NRXN3: variants seen among roughly 807,000 people sequenced by gnomAD.
NRXN3 encodes the protein neurexin III.
In NRXN3, 32 loss-of-function variants were observed where a neutral mutation model predicts 137.6. That is an observed-to-expected ratio of 0.23 (90% CI 0.18 to 0.31). NRXN3 has a LOEUF of 0.31. Ranked by LOEUF, NRXN3 falls within the 10% of genes least tolerant of loss-of-function variation. The pLI is 1.00. For synonymous variants in NRXN3, 798 were observed against 784.5 expected, an observed-to-expected ratio of 1.02 and a Z score of -0.29; for missense variants, 1,574 against 2,062.5, an observed-to-expected ratio of 0.76 and a Z score of 4.59.
intron 8 of NRXN3, among the ~76,000 whole-genome samples, chr14:78,777,093 A>G (rs2098747075): frequency 6.6e-6 from 1 of 152,088 alleles, no homozygotes; most frequent in Non-Finnish European, 1.5e-5. Flanking sequence ...TTCCATCCAA[A>G]AGCCCTCATG....
At chr14:79,621,537 T>A (rs1228674829) in intron 16 of NRXN3, among the ~76,000 whole-genome samples, 1 of 152,200 alleles carries the variant, frequency 6.6e-6, no homozygotes, top group Non-Finnish European at 1.5e-5. Context: ...GTTTATAGAC[T>A]CTTGAATCTG....
chr14:78,777,709 A>G (rs1328725036), intron 8 of NRXN3, among the ~76,000 whole-genome samples: 1 of 152,196 alleles, frequency 6.6e-6, no homozygotes, highest in East Asian at 1.9e-4. Flanking sequence ...TTTAACAAAA[A>G]ATTAGGTGGT....
chr14:78,302,497 C>A (rs2076971727), intron 4 of NRXN3, among the ~76,000 whole-genome samples: 1 of 152,152 alleles, frequency 6.6e-6, no homozygotes, highest in South Asian at 2.1e-4. Flanking sequence ...GTGCCCCTAA[C>A]CCCTACTCTA....
chr14:78,554,163 T>C (rs1452552621), intron 4 of NRXN3, among the ~76,000 whole-genome samples: 1 of 152,194 alleles, frequency 6.6e-6, no homozygotes, highest in Non-Finnish European at 1.5e-5. Flanking sequence ...GTTGGCACTT[T>C]GACACCTCCT....
intron 6 of NRXN3, among the ~76,000 whole-genome samples, chr14:78,698,591 C>T (rs1001255043): frequency 4.6e-5 from 7 of 151,954 alleles, no homozygotes; most frequent in Non-Finnish European, 1.0e-4. Context: ...CCAGTAGCCC[C>T]TTAGCGTGCC....
chr14:78,509,870 GA>G (rs2096068888), intron 4 of NRXN3, among the ~76,000 whole-genome samples: 2 of 152,038 alleles, frequency 1.3e-5, no homozygotes, highest in Non-Finnish European at 2.9e-5. Context: ...AACTCTGAGT[GA>G]CAAATAACTT....
intron 8 of NRXN3, among the ~76,000 whole-genome samples, chr14:78,801,564 A>G (rs1039214580): frequency 6.6e-6 from 1 of 152,186 alleles, no homozygotes; most frequent in Admixed American, 6.5e-5. Context: ...AACCACCCCC[A>G]TGATCCAATT....
At chr14:78,865,148 T>C (rs947848853) in intron 10 of NRXN3, among the ~76,000 whole-genome samples, 2 of 152,120 alleles carry the variant, frequency 1.3e-5, no homozygotes, top group Non-Finnish European at 2.9e-5. Context: ...TGAAATGTTG[T>C]GAGCTATGAA....
intron 8 of NRXN3, among the ~76,000 whole-genome samples, chr14:78,764,151 C>G: frequency 6.6e-6 from 1 of 152,134 alleles, no homozygotes; most frequent in East Asian, 1.9e-4. Flanking sequence ...CATGCCATAT[C>G]CAGTTAAGAA....
intron 6 of NRXN3, among the ~76,000 whole-genome samples, chr14:78,705,021 G>A (rs1054306353): frequency 6.6e-6 from 1 of 152,140 alleles, no homozygotes; most frequent in Non-Finnish European, 1.5e-5. Context: ...CTAAGCATGA[G>A]TCACGTGTCC....
chr14:79,100,150 TTC>T (rs141095730), intron 15 of NRXN3, among the ~76,000 whole-genome samples: 4 of 152,330 alleles, frequency 2.6e-5, no homozygotes, highest in Non-Finnish European at 5.9e-5. Context: ...TCACAGAATG[TTC>T]TCTGTCTGTC....
chr14:78,565,556 T>C (rs1204480401), intron 4 of NRXN3, among the ~76,000 whole-genome samples: 1 of 152,236 alleles, frequency 6.6e-6, no homozygotes, highest in African/African-American at 2.4e-5. Context: ...TGCCATTTAC[T>C]AGTTAATCTC....
chr14:79,412,428 G>A (rs1302745399), intron 15 of NRXN3, among the ~76,000 whole-genome samples: 2 of 151,968 alleles, frequency 1.3e-5, no homozygotes, highest in East Asian at 1.9e-4. Flanking sequence ...TAGAGGAAGG[G>A]ATAGAAAGAT....
Position 79,219,515 on chromosome 14 carries a change from G to C in NRXN3, c.3262+231374G>C, listed in dbSNP as rs190851099. 6.0e-3 allele frequency among the ~76,000 whole-genome samples: 911 copies of C among 152,136 alleles called. 8 individuals are homozygous for C. Among genetic ancestry groups the C allele is most frequent in the African/African-American group, 0.021 (854 of 41,504 alleles). ...CTGGCTCTGTCATTAGCATTGCTTTGGTGGAAAGATTTACTAAATAAAGCA... is the reference window on the plus strand; with the variant it reads ...CTGGCTCTGTCATTAGCATTGCTTTCGTGGAAAGATTTACTAAATAAAGCA... On this transcript the variant is annotated intron_variant, in intron 15 of 20. Coordinates refer to ENST00000335750, the MANE Select transcript of NRXN3 (RefSeq NM_001330195.2).
chr14:79,185,076 T>G (rs955651986), intron 15 of NRXN3, among the ~76,000 whole-genome samples: 2 of 152,202 alleles, frequency 1.3e-5, no homozygotes, highest in Admixed American at 6.5e-5. Flanking sequence ...TCTTAAGAAG[T>G]TATTAGTCCT....
chr14:79,641,905 C>G (rs1843629220), intron 16 of NRXN3, among the ~76,000 whole-genome samples: 1 of 135,148 alleles, frequency 7.4e-6, no homozygotes, highest in African/African-American at 2.5e-5. Context: ...GCATACTTCC[C>G]ACTGCTTAGA....
intron 15 of NRXN3, among the ~76,000 whole-genome samples, chr14:79,093,843 T>C (rs1203011356): frequency 6.6e-6 from 1 of 152,130 alleles, no homozygotes; most frequent in Non-Finnish European, 1.5e-5. Context: ...GTCTATTTTC[T>C]ACATGACCGG....
chr14:78,507,592 T>C (rs1427431894), intron 4 of NRXN3, among the ~76,000 whole-genome samples: 11 of 152,194 alleles, frequency 7.2e-5, no homozygotes. Flanking sequence ...CTATATTTTG[T>C]AAAATCACCC....
chr14:79,623,589 G>T (rs953639347), intron 16 of NRXN3, among the ~76,000 whole-genome samples: 3 of 152,138 alleles, frequency 2.0e-5, no homozygotes, highest in Non-Finnish European at 2.9e-5. Flanking sequence ...TATCATAGTT[G>T]AAATAATATA....
Sources: allele counts gnomAD v4.1 joint callset (sites outside exome capture counted in the v4.1 genomes callset), GRCh38; gene constraint gnomAD v4.1.1; transcripts MANE v1.5; gene names NCBI Gene and HGNC (gene_info 2026-07-23, HGNC 2026-07-21).